CSMD1: variants seen among roughly 807,000 people sequenced by gnomAD.
CSMD1 encodes CUB and Sushi multiple domains 1.
In CSMD1, 213 loss-of-function variants were observed where a neutral mutation model predicts 417.5. The ratio of observed to expected loss-of-function variants is 0.51; its 90% CI spans 0.46 to 0.57. The LOEUF (loss-of-function observed/expected upper bound fraction) is 0.57. Among genes scored for constraint, CSMD1 ranks in the 20% least tolerant of loss-of-function variants. The pLI, the probability that CSMD1 is intolerant of heterozygous loss-of-function variation, is 0.00. For missense variants in CSMD1, 6,923 were observed against 4,529.7 expected, an observed-to-expected ratio of 1.53 and a Z score of -15.17; for synonymous variants, 2,862 against 1,736.8, an observed-to-expected ratio of 1.65 and a Z score of -16.11.
Position 4,099,613 on chromosome 8 carries a change from TA to T in CSMD1, c.416-67515del, listed in dbSNP as rs1223194493. Among the ~76,000 whole-genome samples, 206 of 143,040 alleles carry T rather than the reference TA, an allele frequency of 1.4e-3. 1 individual carries two copies. Among genetic ancestry groups the T allele is most frequent in the African/African-American group, 3.8e-3 (149 of 39,348 alleles). 93.8% of individuals were successfully genotyped at this position (143,040 alleles called of 152,430 possible). A position where few individuals can be genotyped will look rare whatever the true frequency, so the allele number is the denominator to read the frequency against. On this transcript the variant is annotated intron_variant, in intron 3 of 69. Transcript: ENST00000635120. ...CTGTTCTTCAAAACCATCCCCCAATTAAAAAAAAAAAACCTCACTTTCTTGG... is the reference window on the plus strand; with the variant it reads ...CTGTTCTTCAAAACCATCCCCCAATTAAAAAAAAAAACCTCACTTTCTTGG...
intron 3 of CSMD1, among the ~76,000 whole-genome samples, chr8:4,183,508 C>T (rs1798493484): frequency 6.6e-6 from 1 of 152,188 alleles, no homozygotes; most frequent in South Asian, 2.1e-4. Flanking sequence ...TCTCTTCTAT[C>T]ATGCACAGAC....
chr8:4,543,321 G>A (rs1398873737), intron 2 of CSMD1, among the ~76,000 whole-genome samples: 2 of 151,962 alleles, frequency 1.3e-5, no homozygotes, highest in Non-Finnish European at 2.9e-5. Context: ...TCCACCCCCT[G>A]GCAACCACCC....
At chr8:3,246,401 C>T (rs1418361136) in intron 26 of CSMD1, among the ~76,000 whole-genome samples, 1 of 152,198 alleles carries the variant, frequency 6.6e-6, no homozygotes, top group Non-Finnish European at 1.5e-5. Flanking sequence ...GAAGCCAGTT[C>T]CTCAGTCACG....
At chr8:4,440,763 G>C (rs916033229) in intron 2 of CSMD1, among the ~76,000 whole-genome samples, 1 of 152,064 alleles carries the variant, frequency 6.6e-6, no homozygotes, top group Non-Finnish European at 1.5e-5. Context: ...TGGGAGGCCA[G>C]TGCGAGCAGA....
At chr8:3,052,247 G>C (rs1811866977) in intron 50 of CSMD1, among the ~76,000 whole-genome samples, 1 of 152,112 alleles carries the variant, frequency 6.6e-6, no homozygotes, top group Non-Finnish European at 1.5e-5. Context: ...TCTATATTTA[G>C]GATTCACCTA....
intron 5 of CSMD1, among the ~76,000 whole-genome samples, chr8:3,755,975 C>T (rs2129054476): frequency 6.6e-6 from 1 of 152,084 alleles, no homozygotes; most frequent in African/African-American, 2.4e-5. Flanking sequence ...TACTTATTTG[C>T]CTAATACGGA....
chr8:4,742,070 G>T (rs1274702802), intron 1 of CSMD1, among the ~76,000 whole-genome samples: 1 of 116,622 alleles, frequency 8.6e-6, no homozygotes, highest in Admixed American at 1.2e-4. Flanking sequence ...TCTCTCTGTC[G>T]CCCAGGCTGG....
chr8:3,123,142 G>C (rs1015413019), intron 41 of CSMD1, among the ~76,000 whole-genome samples: 1 of 152,114 alleles, frequency 6.6e-6, no homozygotes, highest in Non-Finnish European at 1.5e-5. Context: ...GTAGGGACAG[G>C]GAACATTAAA....
intron 21 of CSMD1, among the ~76,000 whole-genome samples, chr8:3,356,610 G>C (rs1213160649): frequency 2.6e-5 from 4 of 152,206 alleles, no homozygotes; most frequent in Non-Finnish European, 4.4e-5. Flanking sequence ...GGGAGGCAGA[G>C]GTTGCATTGA....
At chr8:2,966,445 T>C (rs1803966448) in intron 58 of CSMD1, 125 bp downstream of exon 58, 1 of 844,958 alleles carries the variant, frequency 1.2e-6, no homozygotes, top group Non-Finnish European at 1.8e-6. Context: ...TCACACATAG[T>C]TTTCCCTTTT....
chr8:3,062,843 G>A (rs1441721270), intron 49 of CSMD1, among the ~76,000 whole-genome samples: 1 of 152,166 alleles, frequency 6.6e-6, no homozygotes, highest in Admixed American at 6.5e-5. Context: ...CTCAGCCAAA[G>A]CTGTGCAAGT....
chr8:3,206,332 T>C (rs370543360), intron 30 of CSMD1, among the ~76,000 whole-genome samples: 7 of 137,886 alleles, frequency 5.1e-5, no homozygotes, highest in East Asian at 4.5e-4. Flanking sequence ...GGTATGTGTG[T>C]ATGTGTGTTT....
intron 3 of CSMD1, among the ~76,000 whole-genome samples, chr8:4,040,498 T>C (rs1797830652): frequency 6.6e-6 from 1 of 152,122 alleles, no homozygotes; most frequent in Non-Finnish European, 1.5e-5. Context: ...TGACAAAAAC[T>C]CTTTCATATG....
chr8:4,059,145 G>A (rs1006427528), intron 3 of CSMD1, among the ~76,000 whole-genome samples: 2 of 152,152 alleles, frequency 1.3e-5, no homozygotes, highest in Non-Finnish European at 2.9e-5. Flanking sequence ...AACTCACTCA[G>A]AACCGCTTAA....
chr8:4,437,200 C>G (rs1403021485), intron 2 of CSMD1, among the ~76,000 whole-genome samples: 1 of 152,094 alleles, frequency 6.6e-6, no homozygotes, highest in African/African-American at 2.4e-5. Flanking sequence ...CTCAACAAAT[C>G]AAATCAATGA....
intron 12 of CSMD1, among the ~76,000 whole-genome samples, chr8:3,463,936 A>C (rs781201057): frequency 2.6e-5 from 4 of 152,088 alleles, no homozygotes; most frequent in Non-Finnish European, 4.4e-5. Flanking sequence ...TGCCTACACA[A>C]ATTTCCATTC....
At chr8:2,960,959 T>TATATATATATATATATAC (rs1563182766) in intron 62 of CSMD1, among the ~76,000 whole-genome samples, 182 bp downstream of exon 62, 4 of 131,632 alleles carry the variant, frequency 3.0e-5, no homozygotes, top group Non-Finnish European at 6.1e-5. Context: ...TATATATATA[T>TATATATATATATATATAC]ATATATACAT....
chr8:3,728,900 A>G (rs1305628984), intron 6 of CSMD1, among the ~76,000 whole-genome samples: 7 of 152,204 alleles, frequency 4.6e-5, no homozygotes, highest in Admixed American at 2.6e-4. Context: ...GTGGTTTTCA[A>G]TCTATCACCG....
chr8:4,107,558 A>C (rs543070605), intron 3 of CSMD1, among the ~76,000 whole-genome samples: 3 of 152,236 alleles, frequency 2.0e-5, no homozygotes, highest in Non-Finnish European at 4.4e-5. Flanking sequence ...ACAAAGTAGC[A>C]CCTGCTGGCT....
Sources: allele counts gnomAD v4.1 joint callset (sites outside exome capture counted in the v4.1 genomes callset), GRCh38; gene constraint gnomAD v4.1.1; transcripts MANE v1.5; gene names NCBI Gene and HGNC (gene_info 2026-07-23, HGNC 2026-07-21).